The following ZNF33A variants were observed in gnomAD, a reference collection of about 807,000 sequenced individuals.
The protein encoded by ZNF33A is brain my041 protein.
In ZNF33A, 9 loss-of-function variants were observed where a neutral mutation model predicts 15.9. That is an observed-to-expected ratio of 0.57 (90% confidence interval 0.34 to 0.99). The LOEUF is 0.99. Ranked by LOEUF, ZNF33A falls within the 50% of genes least tolerant of loss-of-function variation. The pLI is 0.02. For missense variants in ZNF33A, 843 were observed against 941.6 expected, an observed-to-expected ratio of 0.90 and a Z score of 1.37; for synonymous variants, 294 against 324.2, an observed-to-expected ratio of 0.91 and a Z score of 1.00.
chr10:38,053,659 C>G (rs925031114), intron 4 of ZNF33A, among the ~76,000 whole-genome samples: 39 of 152,014 alleles, frequency 2.6e-4, no homozygotes, highest in African/African-American at 9.2e-4. Context: ...ATTACTCTGC[C>G]CTCTTTACAA....
intron 3 of ZNF33A, 122 bp from the exon 4 acceptor site, chr10:38,017,169 T>C: frequency 7.3e-7 from 1 of 1,374,550 alleles, no homozygotes; most frequent in South Asian, 1.4e-5. Flanking sequence ...GATACTTGTG[T>C]TCACCTCTCC....
chr10:38,027,498 A>G (rs774839720), intron 4 of ZNF33A, among the ~76,000 whole-genome samples: 7 of 150,886 alleles, frequency 4.6e-5, no homozygotes, highest in Non-Finnish European at 8.8e-5. Context: ...ACAGCTGTAT[A>G]CCACCATGCC....
intron 4 of ZNF33A, 198 bp downstream of exon 4, chr10:38,017,584 T>C (rs2064519093): frequency 2.4e-6 from 1 of 420,254 alleles, no homozygotes; most frequent in Non-Finnish European, 4.3e-6. Context: ...TTTTGAATCG[T>C]TTTTTGAATG....
chr10:38,026,373 C>G lies in ZNF33A; in HGVS notation c.250+8987C>G, dbSNP rs538249493. On this transcript the variant is annotated intron_variant, in intron 4 of 4. Coordinates refer to ENST00000432900, the MANE Select transcript of ZNF33A (RefSeq NM_006954.2). ...TTTTTGAAACAGAGTCTTACCCTGT[C>G]GCCCAGACTGGAGTGCAGTGGTGCG... is the stretch of plus-strand genomic sequence containing the variant. Among the ~76,000 whole-genome samples the G allele has an allele frequency of 9.2e-5, 14 of 152,320 alleles. No homozygotes were observed. In the South Asian group the frequency reaches 2.7e-3, roughly 29 times the overall value.
chr10:38,044,860 G>A (rs2065883761), intron 4 of ZNF33A, among the ~76,000 whole-genome samples: 1 of 151,736 alleles, frequency 6.6e-6, no homozygotes, highest in South Asian at 2.1e-4. Context: ...TAGAGACGGG[G>A]TTTCACCATG....
intron 4 of ZNF33A, among the ~76,000 whole-genome samples, chr10:38,018,550 A>G (rs888700758): frequency 6.6e-6 from 1 of 152,220 alleles, no homozygotes; most frequent in African/African-American, 2.4e-5. Context: ...CAGATGAGCA[A>G]CATCTGATTT....
Position 38,011,695 on chromosome 10 carries a change from A to G in ZNF33A, c.-44-603A>G, listed in dbSNP as rs771113629. On this transcript the variant is annotated intron_variant, in intron 1 of 4. Transcript: ENST00000432900. ...TGTTCAGGATCACAGTTAGTAGGGA[A>G]GACTAAGTCACATCTCCTGACCCCT... Among the ~76,000 whole-genome samples the G allele has an allele frequency of 2.0e-4, 30 of 152,344 alleles. 1 individual carries two copies. The highest frequency in any genetic ancestry group is 1.0e-3 in the South Asian group (5 of 4,830).
intron 4 of ZNF33A, among the ~76,000 whole-genome samples, chr10:38,047,207 A>AT: frequency 6.6e-6 from 1 of 150,902 alleles, no homozygotes; most frequent in African/African-American, 2.4e-5. Context: ...AAAAAAAAAA[A>AT]AAAAAAGAAT....
At chr10:38,012,167 G>A in intron 1 of ZNF33A, 131 bp from the exon 2 acceptor site, 1 of 781,082 alleles carries the variant, frequency 1.3e-6, no homozygotes, top group South Asian at 1.9e-5. Flanking sequence ...CAAAGTGTCA[G>A]AGGACATTGA....
At chr10:38,021,851 C>G (rs1338276173) in intron 4 of ZNF33A, among the ~76,000 whole-genome samples, 6 of 152,044 alleles carry the variant, frequency 3.9e-5, no homozygotes, top group Non-Finnish European at 8.8e-5. Context: ...AGGAAAATAT[C>G]TAATCATTTA....
At chr10:38,023,911 C>T (rs1468049185) in intron 4 of ZNF33A, among the ~76,000 whole-genome samples, 3 of 152,072 alleles carry the variant, frequency 2.0e-5, no homozygotes, top group South Asian at 4.1e-4. Context: ...ATAATCCCAG[C>T]GCTTTGGGAG....
rs146957104 is a variant in ZNF33A at position 38,011,837 on chromosome 10, C to T, written c.-44-461C>T. On this transcript the variant is annotated intron_variant, in intron 1 of 4. Coordinates refer to ENST00000432900, the MANE Select transcript of ZNF33A (RefSeq NM_006954.2). ...ACTGATTTTTTCTTTGAAGCACTGC[C>T]GCTTATGGCTTTCTGTGGAGTCACT... Among the ~76,000 whole-genome samples, 128 of 152,186 alleles carry T rather than the reference C, an allele frequency of 8.4e-4. 1 individual carries two copies. Among genetic ancestry groups the T allele is most frequent in the Non-Finnish European group, 2.2e-4 (15 of 68,024 alleles).
chr10:38,043,701 C>T (rs1312892614), intron 4 of ZNF33A, among the ~76,000 whole-genome samples: 4 of 151,778 alleles, frequency 2.6e-5, no homozygotes, highest in African/African-American at 7.3e-5. Context: ...TTTTTTCAGT[C>T]ACTGAATATG....
At chr10:38,034,392 C>G (rs1404872061) in intron 4 of ZNF33A, among the ~76,000 whole-genome samples, 1 of 152,076 alleles carries the variant, frequency 6.6e-6, no homozygotes, top group Non-Finnish European at 1.5e-5. Context: ...GTTGAGGAGT[C>G]CTGGTGAGGT....
At chr10:38,054,004 T>A (rs1401632534) in intron 4 of ZNF33A, among the ~76,000 whole-genome samples, 2 of 152,202 alleles carry the variant, frequency 1.3e-5, no homozygotes, top group Non-Finnish European at 2.9e-5. Flanking sequence ...TATGTTAAAG[T>A]CATGGATTGT....
intron 2 of ZNF33A, among the ~76,000 whole-genome samples, chr10:38,015,468 G>A (rs940468686): frequency 3.3e-5 from 5 of 151,898 alleles, no homozygotes; most frequent in South Asian, 2.1e-4. Context: ...ACAGACACCC[G>A]CCAACACGCC....
intron 4 of ZNF33A, among the ~76,000 whole-genome samples, chr10:38,048,492 C>CA (rs58683425): frequency 0.037 from 5,672 of 152,166 alleles, 344 homozygotes; most frequent in African/African-American, 0.13. Flanking sequence ...CATTTAAAGA[C>CA]AGAGATTTCT....
chr10:38,026,044 G>C (rs563021182), intron 4 of ZNF33A, among the ~76,000 whole-genome samples: 4 of 152,168 alleles, frequency 2.6e-5, no homozygotes, highest in Admixed American at 2.6e-4. Flanking sequence ...TTTCATGTCT[G>C]CCTTATTTCA....
In ZNF33A at chr10:38,056,400, C is replaced by G. The variant is rs1220310690; in HGVS notation, c.2276C>G (p.Ser759Cys). ...TGTAACACATGCAGGAAAACTTTCTCTCAAAAGTCAAATCTCATTGTACAT... is the reference window on the plus strand; with the variant it reads ...TGTAACACATGCAGGAAAACTTTCTGTCAAAAGTCAAATCTCATTGTACAT... Reference protein sequence around the residue: ...YECNTCRKTFSQKSNLIVHQR... With the variant: ...YECNTCRKTFCQKSNLIVHQR... The change falls in exon 5 of 5, where the codon TCT (serine) becomes TGT (cysteine). Residue 759 changes from serine (S) to cysteine (C), a missense_variant. Transcript: ENST00000432900. 6.2e-7 allele frequency: 1 copy of G among 1,614,082 alleles called. No homozygotes were observed. The highest frequency in any genetic ancestry group is 8.5e-7 in the Non-Finnish European group (1 of 1,179,964).
Sources: allele counts gnomAD v4.1 joint callset (sites outside exome capture counted in the v4.1 genomes callset), GRCh38; gene constraint gnomAD v4.1.1; transcripts MANE v1.5; gene names NCBI Gene and HGNC (gene_info 2026-07-23, HGNC 2026-07-21).